The following SAMD3 variants were observed in gnomAD, a reference collection of about 807,000 sequenced individuals.
SAMD3 encodes sterile alpha motif domain-containing protein 3.
Under a neutral mutation model 58.5 loss-of-function variants are expected in SAMD3, and 63 were observed. That is an observed-to-expected ratio of 1.08 (90% CI 0.88 to 1.33). The LOEUF is 1.33. Among genes scored for constraint, SAMD3 ranks in the 40% most tolerant of loss-of-function variants. The pLI is 0.00. For missense variants in SAMD3, 604 were observed against 608.4 expected, an observed-to-expected ratio of 0.99 and a Z score of 0.08; for synonymous variants, 220 against 210.3, an observed-to-expected ratio of 1.05 and a Z score of -0.40.
At chr6:130,258,898 A>G (rs1231282290) in intron 2 of SAMD3, among the ~76,000 whole-genome samples, 1 of 152,206 alleles carries the variant, frequency 6.6e-6, no homozygotes, top group Non-Finnish European at 1.5e-5. Context: ...TTTAGCAAGT[A>G]GATTATTAAT....
chr6:130,213,493 A>G (rs964742284), intron 4 of SAMD3, among the ~76,000 whole-genome samples: 4 of 152,148 alleles, frequency 2.6e-5, no homozygotes, highest in South Asian at 2.1e-4. Context: ...CTCTATTATT[A>G]CCACTCTAAT....
chr6:130,199,381 T>C (rs1794433926), intron 5 of SAMD3, among the ~76,000 whole-genome samples: 1 of 152,210 alleles, frequency 6.6e-6, no homozygotes, highest in African/African-American at 2.4e-5. Flanking sequence ...TGAAGCTAAA[T>C]GGCATGTGAT....
intron 2 of SAMD3, among the ~76,000 whole-genome samples, chr6:130,289,994 G>A (rs1323758162): frequency 6.6e-6 from 1 of 151,982 alleles, no homozygotes; most frequent in African/African-American, 2.4e-5. Flanking sequence ...TCTGCCTTCT[G>A]TTGGCTTCAT....
upstream of SAMD3, among the ~76,000 whole-genome samples, chr6:130,224,592 T>TTATTA (rs1186176547): frequency 7.0e-6 from 1 of 143,878 alleles, no homozygotes; most frequent in Non-Finnish European, 1.5e-5. Context: ...ACTCTATTTA[T>TTATTA]TTATTATTAT....
chr6:130,346,974 T>C (rs1408917806), intron 1 of SAMD3, among the ~76,000 whole-genome samples: 1 of 152,190 alleles, frequency 6.6e-6, no homozygotes, highest in Non-Finnish European at 1.5e-5. Context: ...AAACAGCATC[T>C]GGAGTGGACC....
chr6:130,330,656 T>A (rs928114617), intron 1 of SAMD3, among the ~76,000 whole-genome samples: 7 of 152,164 alleles, frequency 4.6e-5, no homozygotes, highest in African/African-American at 1.4e-4. Flanking sequence ...CTAGAAGAAC[T>A]AAGAAGCCAG....
chr6:130,145,041 C>T (rs1393627017), intron 11 of SAMD3, among the ~76,000 whole-genome samples: 2 of 152,162 alleles, frequency 1.3e-5, no homozygotes, highest in Non-Finnish European at 2.9e-5. Flanking sequence ...AGGTGGATCA[C>T]CTGAGGTCAG....
At chr6:130,331,414 T>C (rs751019172) in intron 1 of SAMD3, among the ~76,000 whole-genome samples, 7 of 152,168 alleles carry the variant, frequency 4.6e-5, no homozygotes, top group Non-Finnish European at 1.0e-4. Context: ...TATTAGTGAC[T>C]GGATAAAAAA....
chr6:130,334,354 C>G (rs764996488), intron 1 of SAMD3, among the ~76,000 whole-genome samples: 3 of 151,914 alleles, frequency 2.0e-5, no homozygotes, highest in Admixed American at 1.3e-4. Flanking sequence ...AAAAAACAAA[C>G]AAAAAAAGAC....
At chr6:130,365,439 G>A (rs896099161), upstream of SAMD3, 10 of 985,412 alleles carry the variant, frequency 1.0e-5, no homozygotes, top group African/African-American at 1.7e-4. Context: ...GCCAGGTTTG[G>A]TTTAGCTCGC....
At chr6:130,362,990 A>T (rs1778030558) in intron 1 of SAMD3, among the ~76,000 whole-genome samples, 1 of 152,152 alleles carries the variant, frequency 6.6e-6, no homozygotes, top group Admixed American at 6.5e-5. Context: ...TTTATCCTAT[A>T]TTCCTCCCCC....
upstream of SAMD3, among the ~76,000 whole-genome samples, chr6:130,227,665 A>T (rs1246651437): frequency 6.6e-6 from 1 of 152,000 alleles, no homozygotes; most frequent in East Asian, 1.9e-4. Flanking sequence ...GCATGTGCCT[A>T]TAGTCCCAGC....
chr6:130,175,984 C>A lies in SAMD3; in HGVS notation c.679G>T (p.Asp227Tyr). 1 of 1,612,922 alleles carries A rather than the reference C, an allele frequency of 6.2e-7. No homozygotes were observed. Among genetic ancestry groups the A allele is most frequent in the Non-Finnish European group, 8.5e-7 (1 of 1,179,604 alleles). The change falls in exon 8 of 12, where the codon GAT becomes TAT. Residue 227 changes from aspartate (D) to tyrosine (Y), a missense_variant. By Grantham distance (160) the Asp-to-Tyr change is radical (BLOSUM62 -3). Transcript: ENST00000439090. ...GFFLWKRALK[D>Y]RFKYVRRPIE... is the part of the protein sequence containing the mutation. ...GGTCTTCGAACATATTTAAAGCGAT[C>A]TTTGAGGGCTCGTTTCCATAAAAAC...
chr6:130,303,901 G>A (rs533594869), intron 2 of SAMD3, among the ~76,000 whole-genome samples: 4 of 151,436 alleles, frequency 2.6e-5, no homozygotes, highest in African/African-American at 7.3e-5. Context: ...AGTTTTTTTC[G>A]TGTTTTTATT....
At chr6:130,297,695 G>A (rs1342113058) in intron 2 of SAMD3, among the ~76,000 whole-genome samples, 3 of 152,054 alleles carry the variant, frequency 2.0e-5, no homozygotes, top group Non-Finnish European at 4.4e-5. Context: ...AAACCAAATA[G>A]AACTTCTGGA....
intron 1 of SAMD3, among the ~76,000 whole-genome samples, chr6:130,221,090 G>A (rs1355580743): frequency 2.6e-5 from 4 of 152,126 alleles, no homozygotes; most frequent in African/African-American, 4.8e-5. Flanking sequence ...TCCTGACCTT[G>A]TGATCTGCCC....
At chr6:130,302,912 A>C (rs908289961) in intron 2 of SAMD3, among the ~76,000 whole-genome samples, 1 of 152,300 alleles carries the variant, frequency 6.6e-6, no homozygotes, top group African/African-American at 2.4e-5. Flanking sequence ...TAGATACCAG[A>C]GGCTTTAAAA....
At chr6:130,327,854 G>T (rs114781757) in intron 1 of SAMD3, among the ~76,000 whole-genome samples, 2 of 152,094 alleles carry the variant, frequency 1.3e-5, no homozygotes, top group Non-Finnish European at 2.9e-5. Context: ...AAACCTATAC[G>T]TGAAGAGATC....
intron 1 of SAMD3, among the ~76,000 whole-genome samples, chr6:130,350,488 T>C (rs959260760): frequency 6.6e-6 from 1 of 151,930 alleles, no homozygotes; most frequent in African/African-American, 2.4e-5. Context: ...TCAAAGAGAA[T>C]AAAATACCTA....
Sources: allele counts gnomAD v4.1 joint callset (sites outside exome capture counted in the v4.1 genomes callset), GRCh38; gene constraint gnomAD v4.1.1; transcripts MANE v1.5; gene names NCBI Gene and HGNC (gene_info 2026-07-23, HGNC 2026-07-21).